Variants in ASAP1 observed in about 807,000 individuals in gnomAD.
The protein encoded by ASAP1 is arf-GAP with SH3 domain, ANK repeat and PH domain-containing protein 1.
ASAP1 carries 43 observed loss-of-function variants against 145.2 expected under a neutral mutation model. The ratio of observed to expected loss-of-function variants is 0.30; its 90% CI spans 0.23 to 0.38. The LOEUF (loss-of-function observed/expected upper bound fraction) is 0.38, where lower values mean the gene tolerates loss of function less well. ASAP1 is among the 10% of genes least tolerant of loss of function. The pLI is 1.00. For missense variants in ASAP1, 1,018 were observed against 1,355.3 expected, an observed-to-expected ratio of 0.75 and a Z score of 3.91; for synonymous variants, 546 against 515.5, an observed-to-expected ratio of 1.06 and a Z score of -0.80.
At chr8:130,255,388 A>G in intron 3 of ASAP1, among the ~76,000 whole-genome samples, 1 of 152,186 alleles carries the variant, frequency 6.6e-6, no homozygotes, top group South Asian at 2.1e-4. Context: ...CTATGTACCT[A>G]ATAAATGTTT....
At chr8:130,161,196 T>TC (rs1336706724) in intron 11 of ASAP1, among the ~76,000 whole-genome samples, 1 of 149,288 alleles carries the variant, frequency 6.7e-6, no homozygotes, top group Non-Finnish European at 1.5e-5. Flanking sequence ...TAGCAGGACT[T>TC]TTTTTTTTTA....
At chr8:130,289,801 T>C (rs561607344) in intron 3 of ASAP1, among the ~76,000 whole-genome samples, 3 of 152,350 alleles carry the variant, frequency 2.0e-5, no homozygotes, top group South Asian at 4.1e-4. Context: ...AATTACAGTA[T>C]ACTTATTGTT....
chr8:130,426,298 G>A (rs1426501478), intron 1 of ASAP1, among the ~76,000 whole-genome samples: 2 of 151,966 alleles, frequency 1.3e-5, no homozygotes, highest in African/African-American at 4.8e-5. Context: ...CCCAGAAGCA[G>A]AAGCCTGTAC....
rs1293081258 is a variant in ASAP1 at position 130,431,310 on chromosome 8, C to G, written c.-28+12150G>C. 2.0e-5 allele frequency among the ~76,000 whole-genome samples: 3 copies of G among 152,236 alleles called. No homozygotes were observed. In the South Asian group the frequency reaches 6.2e-4, roughly 32 times the overall value. On this transcript the variant is annotated intron_variant, in intron 1 of 29. Transcript: ENST00000518721. Reference sequence around the variant, plus strand: ...TTCCAACAGGCAAGTATCACATGACCCCCCTGCCTTAAGCCTTCAGTGGTT... The same window carrying G: ...TTCCAACAGGCAAGTATCACATGACGCCCCTGCCTTAAGCCTTCAGTGGTT...
intron 4 of ASAP1, among the ~76,000 whole-genome samples, chr8:130,215,377 C>T (rs537139817): frequency 3.9e-5 from 6 of 152,174 alleles, no homozygotes; most frequent in South Asian, 2.1e-4. Flanking sequence ...GTAGGCAGGT[C>T]GCTTGAGCCC....
At chr8:130,065,320 G>A (rs961287571) in intron 27 of ASAP1, among the ~76,000 whole-genome samples, 5 of 152,170 alleles carry the variant, frequency 3.3e-5, no homozygotes, top group African/African-American at 4.8e-5. Flanking sequence ...GCACGTGAGC[G>A]AGTTCTTCTT....
intron 3 of ASAP1, among the ~76,000 whole-genome samples, chr8:130,247,767 G>C (rs1023013633): frequency 1.6e-4 from 25 of 152,152 alleles, no homozygotes; most frequent in African/African-American, 5.8e-4. Context: ...GCTCAGCATA[G>C]TGAGTGTCAG....
intron 10 of ASAP1, among the ~76,000 whole-genome samples, chr8:130,168,430 A>G (rs933225682): frequency 1.3e-5 from 2 of 152,192 alleles, no homozygotes; most frequent in African/African-American, 2.4e-5. Flanking sequence ...GGATCACTTG[A>G]GCTCAGGAGT....
At chr8:130,308,960 G>A (rs1187637338) in intron 3 of ASAP1, among the ~76,000 whole-genome samples, 1 of 152,174 alleles carries the variant, frequency 6.6e-6, no homozygotes, top group African/African-American at 2.4e-5. Context: ...ACTATCACGG[G>A]CAGTTGAGGG....
intron 3 of ASAP1, among the ~76,000 whole-genome samples, chr8:130,251,059 T>C (rs2136857297): frequency 6.6e-6 from 1 of 152,262 alleles, no homozygotes; most frequent in South Asian, 2.1e-4. Flanking sequence ...GAATACCTAG[T>C]TTTGTTTTTA....
chr8:130,146,348 G>A (rs931891252), intron 13 of ASAP1, among the ~76,000 whole-genome samples: 1 of 152,010 alleles, frequency 6.6e-6, no homozygotes, highest in African/African-American at 2.4e-5. Context: ...TAAGACCTCT[G>A]TATATGCTAA....
chr8:130,282,332 C>T (rs1489416989), intron 3 of ASAP1, among the ~76,000 whole-genome samples: 1 of 152,180 alleles, frequency 6.6e-6, no homozygotes, highest in Non-Finnish European at 1.5e-5. Flanking sequence ...TGACTCCACA[C>T]TTGCAGATGT....
chr8:130,345,310 C>T (rs1825641952), intron 3 of ASAP1, among the ~76,000 whole-genome samples: 2 of 152,152 alleles, frequency 1.3e-5, no homozygotes, highest in South Asian at 4.1e-4. Flanking sequence ...TCATTAATCC[C>T]TTTCATACCA....
At chr8:130,178,486 A>C (rs1814120066) in intron 9 of ASAP1, among the ~76,000 whole-genome samples, 1 of 152,234 alleles carries the variant, frequency 6.6e-6, no homozygotes, top group African/African-American at 2.4e-5. Flanking sequence ...AGTGTAGAAC[A>C]ATGGTATTTC....
intron 5 of ASAP1, among the ~76,000 whole-genome samples, chr8:130,214,112 T>C (rs1166685605): frequency 6.6e-6 from 1 of 152,208 alleles, no homozygotes; most frequent in African/African-American, 2.4e-5. Context: ...CCAAAATGCA[T>C]GATCACCTTC....
chr8:130,232,140 T>C (rs550583237), intron 4 of ASAP1, among the ~76,000 whole-genome samples: 1 of 152,306 alleles, frequency 6.6e-6, no homozygotes, highest in Non-Finnish European at 1.5e-5. Context: ...AGCTATCTTG[T>C]CTATGGACTG....
At chr8:130,098,155 G>A (rs1232240376) in intron 24 of ASAP1, among the ~76,000 whole-genome samples, 1 of 152,076 alleles carries the variant, frequency 6.6e-6, no homozygotes, top group South Asian at 2.1e-4. Flanking sequence ...GGCTCAGAGG[G>A]TTTAGGAACT....
At chr8:130,076,276 A>G in intron 27 of ASAP1, 72 bp downstream of exon 27, 2 of 1,138,846 alleles carry the variant, frequency 1.8e-6, no homozygotes, top group Non-Finnish European at 1.3e-6. Context: ...CAAGGGAGAT[A>G]AAAACCTTGG....
At chr8:130,096,247 G>A (rs2097517643) in intron 24 of ASAP1, among the ~76,000 whole-genome samples, 2 of 152,158 alleles carry the variant, frequency 1.3e-5, no homozygotes, top group Admixed American at 6.5e-5. Context: ...TTAGTAACCA[G>A]TCCCACAGCA....
Sources: gnomAD v4.1 joint callset for allele counts (sites outside exome capture counted in the v4.1 genomes callset) on GRCh38, gnomAD v4.1.1 for gene constraint, MANE v1.5 for transcripts, NCBI Gene and HGNC (gene_info 2026-07-23, HGNC 2026-07-21) for gene names.